Variants in EXOC4 observed in about 807,000 individuals in gnomAD.
EXOC4 encodes the protein SEC8-like 1.
EXOC4 carries 71 observed loss-of-function variants against 107.2 expected under a neutral mutation model. The observed-to-expected ratio is 0.66, with a 90% CI of 0.55 to 0.81. The LOEUF is 0.81. Among genes scored for constraint, EXOC4 ranks in the 30% least tolerant of loss-of-function variants. EXOC4 has a pLI of 0.00. For synonymous variants in EXOC4, 456 were observed against 441.2 expected (o/e 1.03, Z -0.42); for missense variants, 1,108 against 1,189.6 (o/e 0.93, Z 1.01).
chr7:133,560,540 T>C (rs1800785558), intron 9 of EXOC4, among the ~76,000 whole-genome samples: 1 of 152,190 alleles, frequency 6.6e-6, no homozygotes, highest in Non-Finnish European at 1.5e-5. Context: ...CGCCTTGGCC[T>C]CCCAAAGTGA....
At chr7:133,521,043 G>T (rs1426040878) in intron 9 of EXOC4, among the ~76,000 whole-genome samples, 1 of 152,150 alleles carries the variant, frequency 6.6e-6, no homozygotes, top group Non-Finnish European at 1.5e-5. Flanking sequence ...ACATTACGTG[G>T]TCTGGATGGT....
chr7:133,702,269 C>T (rs1381357853), intron 10 of EXOC4, among the ~76,000 whole-genome samples: 1 of 136,558 alleles, frequency 7.3e-6, no homozygotes, highest in Non-Finnish European at 1.6e-5. Flanking sequence ...CACCAGAACA[C>T]CCGCATCAGC....
At chr7:133,844,209 A>G (rs902525720) in intron 11 of EXOC4, among the ~76,000 whole-genome samples, 2 of 151,888 alleles carry the variant, frequency 1.3e-5, no homozygotes, top group East Asian at 1.9e-4. Flanking sequence ...CTCCTTCTCA[A>G]TTTTTTGGAA....
chr7:133,597,086 G>A (rs1801691631), intron 9 of EXOC4, among the ~76,000 whole-genome samples: 1 of 152,166 alleles, frequency 6.6e-6, no homozygotes, highest in African/African-American at 2.4e-5. Context: ...TTGGTGAATA[G>A]TGCAGAGATA....
At chr7:133,819,770 A>T (rs1346341439) in intron 11 of EXOC4, among the ~76,000 whole-genome samples, 1 of 152,212 alleles carries the variant, frequency 6.6e-6, no homozygotes, top group African/African-American at 2.4e-5. Context: ...AGGCATCAGT[A>T]CATTACAGAG....
intron 9 of EXOC4, among the ~76,000 whole-genome samples, chr7:133,581,353 A>C (rs945059882): frequency 6.6e-6 from 1 of 152,176 alleles, no homozygotes; most frequent in Non-Finnish European, 1.5e-5. Context: ...AGATAGGTAA[A>C]TTGCTTGCCA....
Position 133,670,311 on chromosome 7 carries a change from C to T in EXOC4, c.1514+40170C>T, listed in dbSNP as rs555896915. ...TTGTTTCCTCACTTGTACGATGGAGCAAATACCTAGCTCACCGTGTTGTTC... is the reference window on the plus strand; with the variant it reads ...TTGTTTCCTCACTTGTACGATGGAGTAAATACCTAGCTCACCGTGTTGTTC... On this transcript the variant is annotated intron_variant, in intron 10 of 17. Coordinates refer to ENST00000253861, the MANE Select transcript of EXOC4 (RefSeq NM_021807.4). 1.9e-3 allele frequency among the ~76,000 whole-genome samples: 283 copies of T among 152,288 alleles called. 1 individual carries two copies. The highest frequency in any genetic ancestry group is 6.7e-3 in the African/African-American group (280 of 41,544).
intron 14 of EXOC4, among the ~76,000 whole-genome samples, chr7:133,982,517 A>C (rs1794013959): frequency 6.6e-6 from 1 of 152,150 alleles, no homozygotes. Context: ...ATGCCACTGC[A>C]CTCCAGCTTG....
At chr7:133,485,051 A>C (rs1297789402) in intron 9 of EXOC4, among the ~76,000 whole-genome samples, 1 of 145,718 alleles carries the variant, frequency 6.9e-6, no homozygotes, top group African/African-American at 2.6e-5. Flanking sequence ...CTGTACTCCA[A>C]CCTGGGAGAC....
intron 13 of EXOC4, among the ~76,000 whole-genome samples, chr7:133,919,728 C>T (rs770265938): frequency 4.6e-5 from 7 of 152,094 alleles, no homozygotes; most frequent in Non-Finnish European, 8.8e-5. Flanking sequence ...TTGCTCATTT[C>T]TTTTTTATCT....
intron 7 of EXOC4, among the ~76,000 whole-genome samples, chr7:133,443,605 A>G (rs916906636): frequency 1.3e-5 from 2 of 152,084 alleles, no homozygotes; most frequent in Non-Finnish European, 2.9e-5. Flanking sequence ...CTGCAGCTCT[A>G]CAGATTCACT....
intron 9 of EXOC4, chr7:133,576,366 G>A (rs1020364694): frequency 1.4e-6 from 1 of 736,372 alleles, no homozygotes; most frequent in Non-Finnish European, 1.9e-6. Flanking sequence ...AAAAGTGATT[G>A]GTTGGCTTGT....
chr7:133,508,121 T>C (rs1420509397), intron 9 of EXOC4, among the ~76,000 whole-genome samples: 1 of 152,080 alleles, frequency 6.6e-6, no homozygotes, highest in African/African-American at 2.4e-5. Flanking sequence ...TTTTTTTTTA[T>C]CCATGACTAC....
intron 9 of EXOC4, among the ~76,000 whole-genome samples, chr7:133,481,769 T>A (rs1038464529): frequency 6.6e-6 from 1 of 152,144 alleles, no homozygotes; most frequent in Admixed American, 6.6e-5. Context: ...GCAATGTGCA[T>A]GTCGAGAGTC....
intron 3 of EXOC4, among the ~76,000 whole-genome samples, chr7:133,303,862 C>G (rs1166138319): frequency 2.0e-5 from 3 of 152,208 alleles, no homozygotes; most frequent in Non-Finnish European, 4.4e-5. Flanking sequence ...TGGGAATACT[C>G]TCTGAGGTTT....
At chr7:133,749,955 GTTTT>G (rs56902982) in intron 10 of EXOC4, among the ~76,000 whole-genome samples, 56 of 62,102 alleles carry the variant, frequency 9.0e-4, no homozygotes, top group African/African-American at 2.2e-3. Flanking sequence ...GTGGTTGGCA[GTTTT>G]TTTTTTTTTT....
At chr7:133,749,694 T>C (rs1181977484) in intron 10 of EXOC4, among the ~76,000 whole-genome samples, 1 of 152,176 alleles carries the variant, frequency 6.6e-6, no homozygotes, top group East Asian at 1.9e-4. Flanking sequence ...AGGCCTGGCC[T>C]GTTTTGAGCT....
intron 11 of EXOC4, among the ~76,000 whole-genome samples, chr7:133,826,978 G>A (rs765553930): frequency 4.6e-5 from 7 of 152,126 alleles, no homozygotes; most frequent in African/African-American, 7.2e-5. Context: ...TGAATTCTGC[G>A]TCATTCCCTG....
At chr7:133,738,886 T>A (rs1585113834) in intron 10 of EXOC4, among the ~76,000 whole-genome samples, 1 of 152,188 alleles carries the variant, frequency 6.6e-6, no homozygotes, top group African/African-American at 2.4e-5. Flanking sequence ...ATGCTCTAGA[T>A]TAGTCTTCCT....
Sources: allele counts gnomAD v4.1 joint callset (sites outside exome capture counted in the v4.1 genomes callset), GRCh38; gene constraint gnomAD v4.1.1; transcripts MANE v1.5; gene names NCBI Gene and HGNC (gene_info 2026-07-23, HGNC 2026-07-21).